Variants in AGMO observed in about 807,000 individuals in gnomAD.
The protein encoded by AGMO is glyceryl-ether monooxygenase.
Under a neutral mutation model 60.2 loss-of-function variants are expected in AGMO, and 75 were observed. The observed-to-expected ratio is 1.25, with a 90% confidence interval of 1.03 to 1.51. AGMO has a LOEUF of 1.51. Ranked by LOEUF, AGMO falls within the 40% of genes most tolerant of loss-of-function variation. The probability of loss-of-function intolerance (pLI) is 0.00; values close to 1 mark genes in which losing one functional copy is unlikely to be tolerated. For synonymous variants in AGMO, 261 were observed against 177.1 expected (o/e 1.47, Z -3.76); for missense variants, 763 against 525.5 (o/e 1.45, Z -4.42).
At chr7:15,561,036 C>G (rs909868435) in intron 1 of AGMO, among the ~76,000 whole-genome samples, 3 of 152,130 alleles carry the variant, frequency 2.0e-5, no homozygotes, top group African/African-American at 7.2e-5. Flanking sequence ...TTGAAGCTTT[C>G]TAAACTGAAC....
At chr7:15,371,958 T>TTA (rs1783236445) in intron 10 of AGMO, among the ~76,000 whole-genome samples, 2 of 152,062 alleles carry the variant, frequency 1.3e-5, no homozygotes, top group African/African-American at 4.8e-5. Context: ...ATTAAGTACC[T>TTA]TAATATTTAT....
At chr7:15,278,485 G>C (rs1783862756) in intron 12 of AGMO, among the ~76,000 whole-genome samples, 1 of 151,998 alleles carries the variant, frequency 6.6e-6, no homozygotes, top group Non-Finnish European at 1.5e-5. Context: ...CAGAATTCAG[G>C]TGCTGGCTGT....
chr7:15,201,506 T>G lies in AGMO; in HGVS notation c.1264-147A>C. On this transcript the variant is annotated intron_variant, in intron 12 of 12. Transcript: ENST00000342526. ...TAAATTAAATCTAGCAATTGTTCAC[T>G]GATAGAACTTAGCCAATTTAACTTA... 1.4e-5 allele frequency: 8 copies of G among 587,578 alleles called. No homozygotes were observed. The South Asian group carries it at 1.9e-4, about 14-fold the overall frequency. 36.4% of individuals were successfully genotyped at this position (587,578 alleles called of 1,614,324 possible). A position where few individuals can be genotyped will look rare whatever the true frequency, so the allele number is the denominator to read the frequency against.
chr7:15,403,811 G>A (rs938527445), intron 5 of AGMO, among the ~76,000 whole-genome samples: 2 of 151,972 alleles, frequency 1.3e-5, no homozygotes, highest in African/African-American at 2.4e-5. Flanking sequence ...TTTCTGCTGT[G>A]TTAATTCAAG....
the AGMO span, among the ~76,000 whole-genome samples, chr7:15,160,035 A>C: frequency 3.3e-5 from 5 of 152,172 alleles, no homozygotes; most frequent in African/African-American, 1.2e-4. Flanking sequence ...CTAATATATC[A>C]CTTTTGCACT....
intron 12 of AGMO, among the ~76,000 whole-genome samples, chr7:15,221,901 T>TA (rs1408183474): frequency 6.6e-6 from 1 of 152,174 alleles, no homozygotes; most frequent in Non-Finnish European, 1.5e-5. Flanking sequence ...TTTCTGTATG[T>TA]AAAAGGCAAA....
intron 3 of AGMO, among the ~76,000 whole-genome samples, chr7:15,462,325 C>A (rs139635569): frequency 6.6e-6 from 1 of 152,100 alleles, no homozygotes; most frequent in African/African-American, 2.4e-5. Context: ...GAGACAGATT[C>A]AAGCTTAGAA....
chr7:15,418,758 A>G lies in AGMO; in HGVS notation c.514-105T>C, dbSNP rs903220392. On this transcript the variant is annotated intron_variant, in intron 4 of 12. Coordinates refer to ENST00000342526, the MANE Select transcript of AGMO (RefSeq NM_001004320.2). ...CATATTTCTTTAGGAAATATATCTC[A>G]TACTATATACTGTATATTTTATTGC... 2.8e-5 allele frequency: 19 copies of G among 674,352 alleles called. No individual in the cohort carries two copies. In the African/African-American group the frequency reaches 3.3e-4, roughly 12 times the overall value. 41.8% of individuals were successfully genotyped at this position (674,352 alleles called of 1,614,324 possible). A position where few individuals can be genotyped will look rare whatever the true frequency, so the allele number is the denominator to read the frequency against.
chr7:15,308,547 G>C (rs1780679715), intron 12 of AGMO, among the ~76,000 whole-genome samples: 2 of 151,990 alleles, frequency 1.3e-5, no homozygotes, highest in Admixed American at 1.3e-4. Flanking sequence ...ATATTTGCTT[G>C]TCTCATTTGT....
chr7:15,353,442 A>C (rs1251147912), intron 12 of AGMO, among the ~76,000 whole-genome samples: 1 of 152,192 alleles, frequency 6.6e-6, no homozygotes, highest in Non-Finnish European at 1.5e-5. Context: ...AACTAAATTC[A>C]ACATGTTTGC....
intron 5 of AGMO, among the ~76,000 whole-genome samples, chr7:15,399,617 T>G (rs1204176174): frequency 1.3e-5 from 2 of 152,202 alleles, no homozygotes. Flanking sequence ...GATGACTCAC[T>G]TTCATTCAAC....
At chr7:15,282,068 A>G (rs2128519050) in intron 12 of AGMO, among the ~76,000 whole-genome samples, 1 of 152,272 alleles carries the variant, frequency 6.6e-6, no homozygotes, top group East Asian at 1.9e-4. Context: ...GAAATTTTAA[A>G]AAACAATAAA....
At chr7:15,156,698 G>A in the AGMO span, among the ~76,000 whole-genome samples, 1 of 152,206 alleles carries the variant, frequency 6.6e-6, no homozygotes, top group Non-Finnish European at 1.5e-5. Flanking sequence ...CACATGCAGT[G>A]TTGGTAGCTT....
chr7:15,453,950 G>A (rs911271421), intron 3 of AGMO, among the ~76,000 whole-genome samples: 6 of 147,620 alleles, frequency 4.1e-5, no homozygotes, highest in East Asian at 2.0e-4. Context: ...TATCTATTAT[G>A]TAATATATAA....
At chr7:15,544,742 G>A (rs113406079) in intron 3 of AGMO, 30 bp downstream of exon 3, 5 of 1,526,338 alleles carry the variant, frequency 3.3e-6, no homozygotes, top group Non-Finnish European at 3.5e-6. Flanking sequence ...TTCAACATAA[G>A]TTAACAAAAA....
At chr7:15,129,616 G>C in the AGMO span, among the ~76,000 whole-genome samples, 1 of 152,056 alleles carries the variant, frequency 6.6e-6, no homozygotes, top group Non-Finnish European at 1.5e-5. Context: ...GCTCTCCTAG[G>C]AATACAAACA....
intron 3 of AGMO, among the ~76,000 whole-genome samples, chr7:15,471,040 A>G (rs1395055201): frequency 6.6e-6 from 1 of 151,968 alleles, no homozygotes; most frequent in Non-Finnish European, 1.5e-5. Flanking sequence ...CTCTGGATTT[A>G]GTGATATATT....
intron 8 of AGMO, 99 bp from the exon 9 acceptor site, chr7:15,387,639 C>G (rs569432475): frequency 9.2e-7 from 1 of 1,088,344 alleles, no homozygotes; most frequent in Non-Finnish European, 1.2e-6. Flanking sequence ...AGGTAATTTA[C>G]GTATTTAAAA....
At chr7:15,484,816 G>T (rs1299112898) in intron 3 of AGMO, among the ~76,000 whole-genome samples, 1 of 152,112 alleles carries the variant, frequency 6.6e-6, no homozygotes, top group Non-Finnish European at 1.5e-5. Context: ...TGTCTCAGAG[G>T]AGGAGGAAAG....
Sources: allele counts gnomAD v4.1 joint callset (sites outside exome capture counted in the v4.1 genomes callset), GRCh38; gene constraint gnomAD v4.1.1; transcripts MANE v1.5; gene names NCBI Gene and HGNC (gene_info 2026-07-23, HGNC 2026-07-21).